The following ARSL variants were observed in gnomAD, a reference collection of about 807,000 sequenced individuals.
The protein encoded by ARSL is arylsulfatase E (chondrodysplasia punctata 1).
ARSL carries 4 observed loss-of-function variants against 31.1 expected under a neutral mutation model. The observed-to-expected ratio is 0.13, with a 90% CI of 0.06 to 0.29. ARSL has a LOEUF of 0.29. Among genes scored for constraint, ARSL ranks in the 10% least tolerant of loss-of-function variants. The pLI is 1.00. For synonymous variants in ARSL, 198 were observed against 209.9 expected (o/e 0.94, Z 0.49); for missense variants, 312 against 497.8 (o/e 0.63, Z 3.55).
chrX:2,950,382 G>A (rs1283954402), intron 5 of ARSL, among the ~76,000 whole-genome samples: 2 of 111,799 alleles, frequency 1.8e-5, no homozygotes, highest in Non-Finnish European at 3.8e-5. Flanking sequence ...TTGGAGACAG[G>A]GTGTTCAAAG....
chrX:2,944,177 C>T (rs547652188), intron 7 of ARSL, among the ~76,000 whole-genome samples: 4 of 109,844 alleles, frequency 3.6e-5, no homozygotes, highest in Non-Finnish European at 7.6e-5. Context: ...CCCTGTCGGC[C>T]AGGCGCAGTG....
At chrX:2,957,448 C>G (rs992582602) in intron 3 of ARSL, among the ~76,000 whole-genome samples, 1 of 109,185 alleles carries the variant, frequency 9.2e-6, no homozygotes, top group Non-Finnish European at 1.9e-5. Flanking sequence ...GTGGCTCACA[C>G]CTGTAGTCCC....
intron 9 of ARSL, among the ~76,000 whole-genome samples, chrX:2,937,648 G>A (rs768296730): frequency 9.0e-6 from 1 of 110,953 alleles, no homozygotes; most frequent in South Asian, 3.9e-4. Context: ...GATTTAGCAG[G>A]AGACAAGATA....
chrX:2,945,056 G>A (rs1362030216), intron 7 of ARSL, among the ~76,000 whole-genome samples: 1 of 110,636 alleles, frequency 9.0e-6, no homozygotes, highest in Non-Finnish European at 1.9e-5. Context: ...AGGAAGAGGA[G>A]GAGGAAAACA....
Position 2,949,805 on chromosome X carries a change from T to G in ARSL, c.431-78A>C, listed in dbSNP as rs2089438514. The G allele has an allele frequency of 4.4e-5, 47 of 1,064,591 alleles. 1 individual carries two copies. The South Asian group carries it at 8.7e-4, about 20-fold the overall frequency. 87.7% of individuals were successfully genotyped at this position (1,064,591 alleles called of 1,213,427 possible). On this transcript the variant is annotated intron_variant, in intron 5 of 10. Coordinates refer to ENST00000381134, the MANE Select transcript of ARSL (RefSeq NM_000047.3). ...TGTCGATATTGACTGTTTGTCACAT[T>G]CCTGATACTCTGTTAGACACTGGGG...
chrX:2,948,572 C>T (rs1347641573), intron 6 of ARSL, among the ~76,000 whole-genome samples: 1 of 111,170 alleles, frequency 9.0e-6, no homozygotes, highest in Non-Finnish European at 1.9e-5. Context: ...CACTACATAG[C>T]CTCAACCTCC....
At chrX:2,943,318 C>T in intron 7 of ARSL, 119 bp from the exon 8 acceptor site, 2 of 916,273 alleles carry the variant, frequency 2.2e-6, no homozygotes, top group South Asian at 2.2e-5. Context: ...AGTTTTAACG[C>T]ATAATGGAAG....
intron 4 of ARSL, among the ~76,000 whole-genome samples, chrX:2,954,174 T>G (rs2147391387): frequency 8.9e-6 from 1 of 111,819 alleles, no homozygotes; most frequent in African/African-American, 3.2e-5. Flanking sequence ...TGGGTGGAAC[T>G]TGGGCTTTGG....
At position 2,937,797 on chromosome X, in the gene ARSL, T is replaced by G. The variant is rs145227232; in HGVS notation, c.1289+298A>C. ...TTATGTCTTTAGATGGATGCACGCT[T>G]ACATGTGGACATACAGCTTAGAAGG... is the stretch of plus-strand genomic sequence containing the variant. On this transcript the variant is annotated intron_variant, in intron 9 of 10. Coordinates refer to ENST00000381134, the MANE Select transcript of ARSL (RefSeq NM_000047.3). Among the ~76,000 whole-genome samples, 1,894 of 111,775 alleles carry G rather than the reference T, an allele frequency of 0.017. 42 individuals are homozygous for G. Among genetic ancestry groups the G allele is most frequent in the African/African-American group, 0.059 (1,802 of 30,728 alleles).
chrX:2,940,688 C>T (rs1019392477), intron 8 of ARSL, among the ~76,000 whole-genome samples: 2 of 111,247 alleles, frequency 1.8e-5, no homozygotes, highest in Non-Finnish European at 3.8e-5. Flanking sequence ...GTCATCCCAG[C>T]ACCTTGGGAT....
chrX:2,951,791 T>C (rs1569106849), intron 5 of ARSL, among the ~76,000 whole-genome samples: 1 of 82,496 alleles, frequency 1.2e-5, no homozygotes, highest in Non-Finnish European at 2.5e-5. Context: ...ACAGAGTGAG[T>C]ACCCTGTTTA....
intron 5 of ARSL, 174 bp downstream of exon 5, chrX:2,952,969 A>G: frequency 2.0e-6 from 1 of 491,339 alleles, no homozygotes; most frequent in East Asian, 4.8e-5. Context: ...GTATTTCTTG[A>G]GTATCTACTT....
chrX:2,964,608 T>A (rs189181017), upstream of ARSL: 13 of 271,609 alleles, frequency 4.8e-5, no homozygotes, highest in East Asian at 2.8e-3. Context: ...TGAGTCACCG[T>A]ATTCTGCCAG....
chrX:2,956,937 A>T (rs73437571), intron 3 of ARSL, among the ~76,000 whole-genome samples: 216 of 107,429 alleles, frequency 2.0e-3, no homozygotes, highest in African/African-American at 6.8e-3. Flanking sequence ...TTAAAAATTA[A>T]TGTGCCAGGC....
chrX:2,949,839 G>A, intron 5 of ARSL, 112 bp from the exon 6 acceptor site: 1 of 880,239 alleles, frequency 1.1e-6, no homozygotes, highest in Admixed American at 2.6e-5. Context: ...GGGGCCAGGA[G>A]ATTGCAAAGA....
rs369695084 is a variant in ARSL, at chrX:2,938,157, C to T, written c.1227G>A (p.Thr409=). ...LPAGRVIGEP[T]SLMDVFPTVV... is the part of the protein sequence containing the mutation. ...CGGTGGGGAACACGTCCATCAGACT[C>T]GTGGGCTCGCCAATCACTCGGCCGG... The change falls in exon 9 of 11, where the codon ACG becomes ACA. Residue 409 remains threonine (T), a synonymous_variant. Coordinates refer to ENST00000381134, the MANE Select transcript of ARSL (RefSeq NM_000047.3). 7 of 1,210,527 alleles carry T rather than the reference C, an allele frequency of 5.8e-6. No homozygotes were observed. The highest frequency in any genetic ancestry group is 3.5e-5 in the African/African-American group (2 of 57,391).
intron 7 of ARSL, 82 bp from the exon 8 acceptor site, chrX:2,943,281 G>A (rs1262239964): frequency 9.9e-6 from 11 of 1,113,841 alleles, no homozygotes; most frequent in East Asian, 3.1e-5. Flanking sequence ...TTTAGCATTC[G>A]GGGGCTAGCC....
rs764849893 is a variant in ARSL, at chrX:2,938,247, G to A, written c.1137C>T (p.Gly379=). The A allele has an allele frequency of 8.3e-7, 1 of 1,211,805 alleles. No homozygotes were observed. Among genetic ancestry groups the A allele is most frequent in the East Asian group, 3.0e-5 (1 of 33,824 alleles). ...GWNGIYKGGK[G]MGGWEGGIRV... is the part of the protein sequence containing the mutation. ...GGATCCCACCTTCCCATCCTCCCAT[G>A]CCCTTCCCACCTGGGTTTGAACAGA... The change falls in exon 9 of 11, where the codon GGC becomes GGT. Residue 379 remains glycine (G), a synonymous_variant. Coordinates refer to ENST00000381134, the MANE Select transcript of ARSL (RefSeq NM_000047.3).
chrX:2,951,099 A>G (rs2089454152), intron 5 of ARSL, among the ~76,000 whole-genome samples: 2 of 111,925 alleles, frequency 1.8e-5, no homozygotes, highest in Non-Finnish European at 3.8e-5. Context: ...CTTTTTGCAT[A>G]TAAGCTAATA....
Sources: allele counts gnomAD v4.1 joint callset (sites outside exome capture counted in the v4.1 genomes callset), GRCh38; gene constraint gnomAD v4.1.1; transcripts MANE v1.5; gene names NCBI Gene and HGNC (gene_info 2026-07-23, HGNC 2026-07-21).